The following PHACTR1 variants were observed in gnomAD, a reference collection of about 807,000 sequenced individuals.
PHACTR1 encodes the protein phosphatase and actin regulator 1, also known as RPEL repeat containing 1.
In PHACTR1, 16 loss-of-function variants were observed where a neutral mutation model predicts 69.2. The observed-to-expected ratio is 0.23, with a 90% CI of 0.16 to 0.35. PHACTR1 has a LOEUF of 0.35. PHACTR1 is among the 10% of genes least tolerant of loss of function. PHACTR1 has a pLI of 1.00. For missense variants in PHACTR1, 510 were observed against 734.7 expected, an observed-to-expected ratio of 0.69 and a Z score of 3.54; for synonymous variants, 312 against 284.5, an observed-to-expected ratio of 1.10 and a Z score of -0.97.
chr6:13,054,455 A>G (rs1487218735), intron 5 of PHACTR1, among the ~76,000 whole-genome samples: 1 of 152,188 alleles, frequency 6.6e-6, no homozygotes, highest in Non-Finnish European at 1.5e-5. Flanking sequence ...GGCTTAAACA[A>G]CAGAAATGTG....
intron 4 of PHACTR1, among the ~76,000 whole-genome samples, chr6:13,044,748 C>T (rs764986346): frequency 9.9e-5 from 15 of 152,170 alleles, no homozygotes; most frequent in Non-Finnish European, 1.8e-4. Context: ...TATTTTTCCC[C>T]TATACACGAT....
chr6:13,286,919 C>T lies in PHACTR1; in HGVS notation c.1728-144C>T, dbSNP rs113326982. On this transcript the variant is annotated intron_variant, in intron 14 of 14. Coordinates refer to ENST00000332995, the MANE Select transcript of PHACTR1 (RefSeq NM_030948.6). ...AAACTTTCAAAGCCAGGTGTGTGTT[C>T]AGTGGTACTCCTGTGGGGATGACGG... The T allele has an allele frequency of 4.5e-3, 3,616 of 809,510 alleles. 90 individuals are homozygous for T. In the African/African-American group the frequency reaches 0.056, roughly 13 times the overall value. 50.1% of individuals were successfully genotyped at this position (809,510 alleles called of 1,614,324 possible).
At chr6:12,978,927 G>T (rs112012193) in intron 4 of PHACTR1, among the ~76,000 whole-genome samples, 1 of 152,200 alleles carries the variant, frequency 6.6e-6, no homozygotes, top group African/African-American at 2.4e-5. Context: ...ATTACTGGGC[G>T]TGGTCTTCTG....
chr6:12,741,121 A>C (rs746338070), intron 3 of PHACTR1, among the ~76,000 whole-genome samples: 2 of 151,964 alleles, frequency 1.3e-5, no homozygotes, highest in Non-Finnish European at 2.9e-5. Flanking sequence ...CTCTTATCTA[A>C]ATAAACATTT....
At chr6:13,029,990 TA>T (rs1007978146) in intron 4 of PHACTR1, among the ~76,000 whole-genome samples, 2 of 152,228 alleles carry the variant, frequency 1.3e-5, no homozygotes, top group African/African-American at 4.8e-5. Flanking sequence ...TCTGCATCTG[TA>T]AAATGGTGAA....
At chr6:13,103,252 C>T (rs779646047) in intron 5 of PHACTR1, among the ~76,000 whole-genome samples, 1 of 152,118 alleles carries the variant, frequency 6.6e-6, no homozygotes, top group Non-Finnish European at 1.5e-5. Context: ...ATTGGAGGCA[C>T]ATTATAAATT....
intron 6 of PHACTR1, among the ~76,000 whole-genome samples, chr6:13,177,392 TACACACACACACAGAC>T (rs1477669377): frequency 2.0e-5 from 3 of 147,844 alleles, no homozygotes; most frequent in Non-Finnish European, 4.5e-5. Flanking sequence ...TATATATATA[TACACACACACACAGAC>T]ATGCACACAC....
At chr6:13,168,972 G>C (rs531027598) in intron 6 of PHACTR1, among the ~76,000 whole-genome samples, 124 of 152,266 alleles carry the variant, frequency 8.1e-4, no homozygotes, top group Non-Finnish European at 1.5e-3. Flanking sequence ...CTGCCTGCAG[G>C]GAGACTGACT....
chr6:12,960,908 A>G (rs927983126), intron 4 of PHACTR1, among the ~76,000 whole-genome samples: 1 of 152,286 alleles, frequency 6.6e-6, no homozygotes, highest in East Asian at 1.9e-4. Flanking sequence ...GTCTCCTAAC[A>G]TGGGGATTTA....
intron 4 of PHACTR1, among the ~76,000 whole-genome samples, chr6:13,041,909 G>A (rs950159574): frequency 2.0e-5 from 3 of 152,128 alleles, no homozygotes; most frequent in African/African-American, 7.2e-5. Context: ...TGACTCCTCT[G>A]TGTCTCGGTT....
At chr6:12,742,289 TC>T (rs1561838963) in intron 3 of PHACTR1, among the ~76,000 whole-genome samples, 1 of 152,116 alleles carries the variant, frequency 6.6e-6, no homozygotes, top group Non-Finnish European at 1.5e-5. Flanking sequence ...TTAGGGTTCC[TC>T]CCCCTTTTTA....
At chr6:12,829,931 C>G (rs1363923695) in intron 4 of PHACTR1, among the ~76,000 whole-genome samples, 1 of 137,958 alleles carries the variant, frequency 7.2e-6, no homozygotes, top group Non-Finnish European at 1.5e-5. Flanking sequence ...GCTCTCCAGT[C>G]TGGGAAACAG....
intron 4 of PHACTR1, among the ~76,000 whole-genome samples, chr6:12,952,327 A>T (rs1791399114): frequency 6.6e-6 from 1 of 152,170 alleles, no homozygotes; most frequent in Admixed American, 6.5e-5. Context: ...TGTTCTCACC[A>T]CTGTAGTATC....
chr6:12,861,558 TAGA>T (rs1166915610), intron 4 of PHACTR1, among the ~76,000 whole-genome samples: 2 of 152,246 alleles, frequency 1.3e-5, no homozygotes, highest in Admixed American at 1.3e-4. Flanking sequence ...CTTCTGCTGT[TAGA>T]AGAAGAATAG....
At chr6:12,854,211 T>C (rs6914233) in intron 4 of PHACTR1, among the ~76,000 whole-genome samples, 14,839 of 152,268 alleles carry the variant, frequency 0.097, 938 homozygotes, top group African/African-American at 0.17. Flanking sequence ...CTACTTTGAT[T>C]GATTCATTTA....
chr6:12,973,579 C>T (rs1026388790), intron 4 of PHACTR1, among the ~76,000 whole-genome samples: 4 of 152,130 alleles, frequency 2.6e-5, no homozygotes, highest in Non-Finnish European at 4.4e-5. Context: ...CCATTTCATT[C>T]GAGACAAATA....
chr6:12,749,579 T>G, intron 3 of PHACTR1, 65 bp from the exon 4 acceptor site: 1 of 651,064 alleles, frequency 1.5e-6, no homozygotes, highest in Non-Finnish European at 2.3e-6. Context: ...TGCGCGAGCC[T>G]CTTCCTCTCC....
In PHACTR1 at chr6:13,105,449, C is replaced by A. The variant is rs577199678; in HGVS notation, c.415+51920C>A. 3.9e-4 allele frequency among the ~76,000 whole-genome samples: 59 copies of A among 152,116 alleles called. No homozygotes were observed. The South Asian group carries it at 0.011, about 29-fold the overall frequency. On this transcript the variant is annotated intron_variant, in intron 5 of 14. Transcript: ENST00000332995. ...CCTATTAAATGGAGATACACATGCCCCAGTTCCAAAAAGGTTTTTTCCCCC... is the reference window on the plus strand; with the variant it reads ...CCTATTAAATGGAGATACACATGCCACAGTTCCAAAAAGGTTTTTTCCCCC...
At chr6:12,894,163 T>C (rs918221291) in intron 4 of PHACTR1, among the ~76,000 whole-genome samples, 5 of 152,238 alleles carry the variant, frequency 3.3e-5, no homozygotes, top group Admixed American at 1.3e-4. Flanking sequence ...AAGTACTTTT[T>C]GAGACTCTAA....
Sources: allele counts gnomAD v4.1 joint callset (sites outside exome capture counted in the v4.1 genomes callset), GRCh38; gene constraint gnomAD v4.1.1; transcripts MANE v1.5; gene names NCBI Gene and HGNC (gene_info 2026-07-23, HGNC 2026-07-21).